MAP2: variants seen among roughly 807,000 people sequenced by gnomAD.
The protein encoded by MAP2 is microtubule-associated protein 2.
Under a neutral mutation model 137.6 loss-of-function variants are expected in MAP2, and 14 were observed. The ratio of observed to expected loss-of-function variants is 0.10; its 90% confidence interval spans 0.07 to 0.16. The LOEUF is 0.16. MAP2 is among the 10% of genes least tolerant of loss of function. MAP2 has a pLI of 1.00. For missense variants in MAP2, 2,088 were observed against 2,191.5 expected, an observed-to-expected ratio of 0.95 and a Z score of 0.94; for synonymous variants, 786 against 782.3, an observed-to-expected ratio of 1.00 and a Z score of -0.08.
At chr2:209,497,947 CCTT>C (rs1322907868) in intron 1 of MAP2, among the ~76,000 whole-genome samples, 4 of 152,176 alleles carry the variant, frequency 2.6e-5, no homozygotes, top group Non-Finnish European at 5.9e-5. Flanking sequence ...AATTTCATGT[CCTT>C]CTCACATTGC....
chr2:209,718,559 A>G (rs1323074014), intron 13 of MAP2, among the ~76,000 whole-genome samples: 1 of 151,782 alleles, frequency 6.6e-6, no homozygotes, highest in Non-Finnish European at 1.5e-5. Flanking sequence ...ATTAATGTCT[A>G]TTCCACTAAA....
At chr2:209,501,785 G>GA (rs1468234135) in intron 1 of MAP2, among the ~76,000 whole-genome samples, 2 of 150,484 alleles carry the variant, frequency 1.3e-5, no homozygotes, top group Non-Finnish European at 3.0e-5. Context: ...GGCTTGGTTG[G>GA]AAAAAAAGGA....
chr2:209,718,925 C>T (rs577258099), intron 13 of MAP2, among the ~76,000 whole-genome samples: 2 of 151,936 alleles, frequency 1.3e-5, no homozygotes, highest in Non-Finnish European at 2.9e-5. Context: ...TTTCAATCTT[C>T]GGGAATATCT....
rs1369610252 is a variant in MAP2, at chr2:209,696,657, A to G, written c.4296A>G (p.Lys1432=). The change falls in exon 9 of 16, where the codon AAA becomes AAG. Residue 1432 remains lysine, a synonymous_variant. Coordinates refer to ENST00000682079, the MANE Select transcript of MAP2 (RefSeq NM_001375505.1). ...AACATAGAAAAGAAAAGCCTTTTAA[A>G]ACCGGGAGAGGCAGAATTTCCACTC... ...LEKHRKEKPF[K]TGRGRISTPE... The G allele has an allele frequency of 6.2e-7, 1 of 1,613,890 alleles. No individual in the cohort carries two copies. The highest frequency in any genetic ancestry group is 8.5e-7 in the Non-Finnish European group (1 of 1,179,944).
intron 1 of MAP2, among the ~76,000 whole-genome samples, chr2:209,461,850 T>C (rs932756726): frequency 6.6e-6 from 1 of 152,210 alleles, no homozygotes; most frequent in African/African-American, 2.4e-5. Flanking sequence ...TCTGTTTTAT[T>C]CTCATTCATC....
intron 2 of MAP2, among the ~76,000 whole-genome samples, chr2:209,522,852 A>G (rs1310153973): frequency 6.6e-6 from 1 of 152,200 alleles, no homozygotes; most frequent in Non-Finnish European, 1.5e-5. Flanking sequence ...GCACTGAATC[A>G]AAGAGATGTC....
At chr2:209,486,395 T>C (rs12989474) in intron 1 of MAP2, among the ~76,000 whole-genome samples, 4,598 of 152,194 alleles carry the variant, frequency 0.03, 88 homozygotes, top group South Asian at 0.069. Flanking sequence ...AGCTAGTTTT[T>C]TGTATTTTAG....
intron 5 of MAP2, among the ~76,000 whole-genome samples, chr2:209,660,577 A>G (rs1322282921): frequency 7.9e-6 from 1 of 126,138 alleles, no homozygotes; most frequent in Non-Finnish European, 1.7e-5. Context: ...TGTATTTTTT[A>G]GTAGAGACGG....
chr2:209,436,201 G>A (rs1378274086), intron 1 of MAP2, among the ~76,000 whole-genome samples: 2 of 150,958 alleles, frequency 1.3e-5, no homozygotes, highest in African/African-American at 2.4e-5. Context: ...TTAACAAATT[G>A]TCTTTCAGAA....
At chr2:209,592,760 T>A (rs1308123664) in intron 3 of MAP2, among the ~76,000 whole-genome samples, 1 of 152,184 alleles carries the variant, frequency 6.6e-6, no homozygotes, top group Non-Finnish European at 1.5e-5. Context: ...AGGTCTTTTT[T>A]CATTTAACCT....
intron 11 of MAP2, 122 bp from the exon 12 acceptor site, chr2:209,705,458 C>T: frequency 3.1e-6 from 2 of 655,556 alleles, no homozygotes; most frequent in Non-Finnish European, 4.7e-6. Flanking sequence ...ATATGAAATC[C>T]AGTAGTTTGT....
chr2:209,520,723 C>T (rs1258017490), intron 2 of MAP2, among the ~76,000 whole-genome samples: 1 of 152,004 alleles, frequency 6.6e-6, no homozygotes, highest in African/African-American at 2.4e-5. Flanking sequence ...TTCATGAGGT[C>T]ATTTGCTTAT....
chr2:209,528,662 G>C (rs1162431570), intron 2 of MAP2, among the ~76,000 whole-genome samples: 1 of 151,794 alleles, frequency 6.6e-6, no homozygotes, highest in African/African-American at 2.4e-5. Flanking sequence ...TTTCTCAAAA[G>C]AGGACCTGGA....
chr2:209,718,629 A>C (rs557261550), intron 13 of MAP2, among the ~76,000 whole-genome samples: 4 of 152,276 alleles, frequency 2.6e-5, no homozygotes, highest in Middle Eastern at 3.4e-3. Flanking sequence ...GTGTGGTTCT[A>C]CTTTCTGTGC....
chr2:209,461,481 GT>G (rs34683564), intron 1 of MAP2, among the ~76,000 whole-genome samples: 4,565 of 151,944 alleles, frequency 0.03, 88 homozygotes, highest in South Asian at 0.069. Context: ...TCGAGACGGA[GT>G]TTTGCTCTTA....
chr2:209,652,508 A>G (rs2094875272), intron 4 of MAP2, among the ~76,000 whole-genome samples: 1 of 152,200 alleles, frequency 6.6e-6, no homozygotes, highest in Admixed American at 6.5e-5. Flanking sequence ...GTTTTAGGGT[A>G]CATGTGCACA....
At chr2:209,690,991 C>A in intron 7 of MAP2, 1 of 808,544 alleles carries the variant, frequency 1.2e-6, no homozygotes, top group Non-Finnish European at 1.7e-6. Context: ...GCTTAATGTG[C>A]AGAGAGTGTG....
At chr2:209,682,971 G>A (rs952421349) in intron 7 of MAP2, among the ~76,000 whole-genome samples, 1 of 152,104 alleles carries the variant, frequency 6.6e-6, no homozygotes, top group African/African-American at 2.4e-5. Context: ...CCCAGAGAGG[G>A]ATATGATGTT....
At chr2:209,553,854 A>C (rs2069822678) in intron 2 of MAP2, among the ~76,000 whole-genome samples, 1 of 152,174 alleles carries the variant, frequency 6.6e-6, no homozygotes, top group African/African-American at 2.4e-5. Context: ...GCTGTCAAGG[A>C]GAGTGGGGAA....
Sources: gnomAD v4.1 joint callset for allele counts (sites outside exome capture counted in the v4.1 genomes callset) on GRCh38, gnomAD v4.1.1 for gene constraint, MANE v1.5 for transcripts, NCBI Gene and HGNC (gene_info 2026-07-23, HGNC 2026-07-21) for gene names.